TMEM132D: variants seen among roughly 807,000 people sequenced by gnomAD.
TMEM132D encodes the protein transmembrane protein 132D, also known as mature OL transmembrane protein.
TMEM132D carries 21 observed loss-of-function variants against 62.3 expected under a neutral mutation model. The ratio of observed to expected loss-of-function variants is 0.34; its 90% CI spans 0.24 to 0.49. TMEM132D has a LOEUF of 0.49. Ranked by LOEUF, TMEM132D falls within the 20% of genes least tolerant of loss-of-function variation. The pLI, the probability that TMEM132D is intolerant of heterozygous loss-of-function variation, is 0.99. For synonymous variants in TMEM132D, 621 were observed against 575.6 expected (o/e 1.08, Z -1.13); for missense variants, 1,346 against 1,402.8 (o/e 0.96, Z 0.65).
chr12:129,504,062 T>C (rs1453183142), intron 3 of TMEM132D, among the ~76,000 whole-genome samples: 1 of 151,984 alleles, frequency 6.6e-6, no homozygotes, highest in Non-Finnish European at 1.5e-5. Context: ...ATCATTGTCA[T>C]CATCACCATC....
intron 1 of TMEM132D, among the ~76,000 whole-genome samples, chr12:129,780,376 C>A (rs1871085451): frequency 1.3e-5 from 2 of 152,032 alleles, no homozygotes; most frequent in Middle Eastern, 3.4e-3. Context: ...GTTTTTAAAT[C>A]TTTTGTGGAA....
At chr12:129,551,067 G>A (rs193252681) in intron 2 of TMEM132D, among the ~76,000 whole-genome samples, 1 of 152,202 alleles carries the variant, frequency 6.6e-6, no homozygotes, top group East Asian at 1.9e-4. Flanking sequence ...CCCAACGGGG[G>A]TCCCAGGCAA....
intron 3 of TMEM132D, among the ~76,000 whole-genome samples, chr12:129,390,390 G>A (rs1339005607): frequency 1.3e-5 from 2 of 151,716 alleles, no homozygotes; most frequent in African/African-American, 2.4e-5. Context: ...CAATTACCTG[G>A]CTGAATGTCC....
At chr12:129,695,325 G>A (rs1565951696) in intron 2 of TMEM132D, among the ~76,000 whole-genome samples, 1 of 152,208 alleles carries the variant, frequency 6.6e-6, no homozygotes, top group Non-Finnish European at 1.5e-5. Context: ...TGGGACAAAT[G>A]CAGCACACAA....
chr12:129,753,446 G>A (rs1387830350), intron 1 of TMEM132D, among the ~76,000 whole-genome samples: 3 of 152,082 alleles, frequency 2.0e-5, no homozygotes, highest in African/African-American at 2.4e-5. Flanking sequence ...TGTTTTGTAC[G>A]AGTCTTCCTA....
intron 5 of TMEM132D, among the ~76,000 whole-genome samples, chr12:129,174,950 G>A (rs1237320103): frequency 6.6e-6 from 1 of 152,080 alleles, no homozygotes; most frequent in Non-Finnish European, 1.5e-5. Context: ...ATTTGTTTAA[G>A]TTCCTTGTAA....
At chr12:129,638,496 TATATAAA>T (rs1879546536) in intron 2 of TMEM132D, among the ~76,000 whole-genome samples, 1 of 117,738 alleles carries the variant, frequency 8.5e-6, no homozygotes, top group Non-Finnish European at 1.9e-5. Flanking sequence ...ATTTTTTATA[TATATAAA>T]CATATATAAA....
chr12:129,380,363 TTAATTG>T (rs1454541436), intron 3 of TMEM132D, among the ~76,000 whole-genome samples: 1 of 152,204 alleles, frequency 6.6e-6, no homozygotes, highest in Admixed American at 6.5e-5. Flanking sequence ...AATTAAGTTT[TTAATTG>T]TAACTTATAT....
intron 1 of TMEM132D, among the ~76,000 whole-genome samples, chr12:129,860,582 T>C (rs1348684913): frequency 1.3e-5 from 2 of 152,270 alleles, no homozygotes; most frequent in Non-Finnish European, 2.9e-5. Context: ...TGTGCGTATA[T>C]ATATAAAACT....
At chr12:129,560,272 T>A (rs75535287) in intron 2 of TMEM132D, among the ~76,000 whole-genome samples, 1,762 of 7,326 alleles carry the variant, frequency 0.24, 32 homozygotes, top group East Asian at 0.51. Context: ...TTTGTTTTCT[T>A]TTTTTTTTTT....
chr12:129,075,163 C>T, intron 8 of TMEM132D, 104 bp from the exon 9 acceptor site: 1 of 864,832 alleles, frequency 1.2e-6, no homozygotes, highest in South Asian at 1.8e-5. Context: ...GCTACAAGAA[C>T]AAAGACAAAC....
chr12:129,372,157 T>C (rs945624920), intron 3 of TMEM132D, among the ~76,000 whole-genome samples: 4 of 152,348 alleles, frequency 2.6e-5, no homozygotes, highest in African/African-American at 9.6e-5. Context: ...AGGAAACAGA[T>C]TCTTCCTCAG....
At chr12:129,868,480 A>T (rs985377565) in intron 1 of TMEM132D, among the ~76,000 whole-genome samples, 10 of 152,210 alleles carry the variant, frequency 6.6e-5, no homozygotes, top group Admixed American at 2.6e-4. Context: ...GACAAGCCAT[A>T]TTACAGCCTC....
chr12:129,461,031 G>A (rs983523296), intron 3 of TMEM132D, among the ~76,000 whole-genome samples: 3 of 152,152 alleles, frequency 2.0e-5, no homozygotes, highest in Non-Finnish European at 4.4e-5. Context: ...CCTTGACATG[G>A]GTATAGGTTC....
chr12:129,769,411 A>T (rs1217746611), intron 1 of TMEM132D, among the ~76,000 whole-genome samples: 1 of 152,124 alleles, frequency 6.6e-6, no homozygotes, highest in Non-Finnish European at 1.5e-5. Flanking sequence ...CCACCACAAG[A>T]ACAGTATGGG....
At chr12:129,091,275 T>G (rs990366871) in intron 5 of TMEM132D, among the ~76,000 whole-genome samples, 2 of 151,206 alleles carry the variant, frequency 1.3e-5, no homozygotes, top group South Asian at 2.1e-4. Flanking sequence ...CTGGGGACCC[T>G]TCCTAAACTC....
At chr12:129,901,079 AAATGAT>A (rs1328807657) in intron 1 of TMEM132D, among the ~76,000 whole-genome samples, 1 of 152,182 alleles carries the variant, frequency 6.6e-6, no homozygotes, top group Non-Finnish European at 1.5e-5. Context: ...AATACAGTAG[AAATGAT>A]AATATGTGGA....
intron 2 of TMEM132D, among the ~76,000 whole-genome samples, chr12:129,564,668 G>A (rs1227366550): frequency 6.6e-6 from 1 of 152,224 alleles, no homozygotes; most frequent in Non-Finnish European, 1.5e-5. Flanking sequence ...AATGGCTTAA[G>A]TCAGGGATTC....
chr12:129,431,898 G>C (rs188738019), intron 3 of TMEM132D, among the ~76,000 whole-genome samples: 38 of 152,198 alleles, frequency 2.5e-4, no homozygotes, highest in African/African-American at 9.1e-4. Context: ...CCTGCCCCAG[G>C]ACCTTTGCAC....
Sources: allele counts gnomAD v4.1 joint callset (sites outside exome capture counted in the v4.1 genomes callset), GRCh38; gene constraint gnomAD v4.1.1; transcripts MANE v1.5; gene names NCBI Gene and HGNC (gene_info 2026-07-23, HGNC 2026-07-21).